Variants in RGS12 observed in about 807,000 individuals in gnomAD.
The protein encoded by RGS12 is regulator of G-protein signaling 12.
A neutral mutation model predicts 120.1 loss-of-function variants in RGS12; 66 were observed. The ratio of observed to expected loss-of-function variants is 0.55; its 90% confidence interval spans 0.45 to 0.67. The LOEUF (loss-of-function observed/expected upper bound fraction) is 0.67, where lower values mean the gene tolerates loss of function less well. RGS12 is among the 30% of genes least tolerant of loss of function. RGS12 has a pLI of 0.00. For missense variants in RGS12, 1,859 were observed against 1,957.7 expected, an observed-to-expected ratio of 0.95 and a Z score of 0.95; for synonymous variants, 827 against 804.7, an observed-to-expected ratio of 1.03 and a Z score of -0.47.
chr4:3,414,257 C>T lies in RGS12; in HGVS notation c.2190+16C>T. ...CTACTTCTCTGTGAGTAGGGAAGGG[C>T]CCAGGAGCAGCGGAGCGGTCTGTGC... On this transcript the variant is annotated intron_variant, in intron 5 of 17. Coordinates refer to ENST00000336727, the MANE Select transcript of RGS12 (RefSeq NM_001394154.1). 6.5e-7 allele frequency: 1 copy of T among 1,527,456 alleles called. No homozygotes were observed. Among genetic ancestry groups the T allele is most frequent in the South Asian group, 1.2e-5 (1 of 83,102 alleles). The allele number at this position is 1,527,456 out of a possible 1,614,324, so 94.6% of individuals were successfully genotyped here. A position where few individuals can be genotyped will look rare whatever the true frequency, so the allele number is the denominator to read the frequency against.
At chr4:3,333,738 CG>C (rs1560093298) in intron 2 of RGS12, among the ~76,000 whole-genome samples, 1 of 152,136 alleles carries the variant, frequency 6.6e-6, no homozygotes, top group African/African-American at 2.4e-5. Flanking sequence ...CTTTATAATA[CG>C]TCTTTCTGTC....
chr4:3,437,204 C>T (rs1724895847), intron 17 of RGS12, among the ~76,000 whole-genome samples: 1 of 152,096 alleles, frequency 6.6e-6, no homozygotes, highest in Non-Finnish European at 1.5e-5. Context: ...GGCTGGCTCC[C>T]GTAGGCAGGA....
intron 8 of RGS12, 58 bp downstream of exon 8, chr4:3,417,150 C>A: frequency 6.7e-7 from 1 of 1,502,730 alleles, no homozygotes; most frequent in Non-Finnish European, 8.9e-7. Flanking sequence ...CAGCTGAGAG[C>A]TGTTCTGTGG....
chr4:3,387,383 C>T (rs55901561), intron 4 of RGS12, among the ~76,000 whole-genome samples: 10,627 of 152,242 alleles, frequency 0.07, 1,203 homozygotes, highest in African/African-American at 0.24. Flanking sequence ...CCCAGGTAGG[C>T]AGACAGAGCT....
Position 3,378,744 on chromosome 4 carries a change from G to A in RGS12, c.1999-7672G>A, listed in dbSNP as rs145339364. Among the ~76,000 whole-genome samples the A allele has an allele frequency of 6.6e-5, 10 of 152,298 alleles. No homozygotes were observed. In the East Asian group the frequency reaches 1.9e-3, roughly 29 times the overall value. ...TCTGTAGAATGGTTGTTATCAGAAAGGCAAAAGATAACAAGTGTGGGTGAG... is the reference window on the plus strand; with the variant it reads ...TCTGTAGAATGGTTGTTATCAGAAAAGCAAAAGATAACAAGTGTGGGTGAG... On this transcript the variant is annotated intron_variant, in intron 3 of 17. Transcript: ENST00000336727.
At chr4:3,333,210 C>T (rs1156232693) in intron 2 of RGS12, among the ~76,000 whole-genome samples, 6 of 152,186 alleles carry the variant, frequency 3.9e-5, no homozygotes, top group African/African-American at 7.2e-5. Context: ...CCACCTTGCC[C>T]GGCTAATTTT....
intron 4 of RGS12, among the ~76,000 whole-genome samples, chr4:3,391,452 C>T (rs996861473): frequency 4.2e-4 from 64 of 152,326 alleles, no homozygotes; most frequent in Non-Finnish European, 3.7e-4. Flanking sequence ...CCAGAGTTAA[C>T]GTGTGCTAGC....
chr4:3,431,501 G>A (rs898601545), intron 17 of RGS12: 10 of 987,390 alleles, frequency 1.0e-5, no homozygotes, highest in African/African-American at 1.7e-5. Context: ...CTCGGGAGTG[G>A]AGGTGACGTC....
In RGS12 at chr4:3,374,705, C is replaced by CT. The variant is rs1261327064; in HGVS notation, c.1999-11708dup. Among the ~76,000 whole-genome samples the CT allele has an allele frequency of 1.3e-5, 2 of 152,024 alleles. No homozygotes were observed. The highest frequency in any genetic ancestry group is 2.4e-5 in the African/African-American group (1 of 41,388). ...GGCCTTCAAAATCCCTGAGTTTACA[C>CT]TTTCTCACCCCCATTGCTGCAGCCT... On this transcript the variant is annotated intron_variant, in intron 3 of 17. Coordinates refer to ENST00000336727, the MANE Select transcript of RGS12 (RefSeq NM_001394154.1). The surrounding 1 kb of genome is among the most constrained non-coding windows in gnomAD (Gnocchi z 6.3).
chr4:3,387,251 G>T (rs895507504), intron 4 of RGS12, among the ~76,000 whole-genome samples: 1 of 152,212 alleles, frequency 6.6e-6, no homozygotes, highest in African/African-American at 2.4e-5. Context: ...GCTGCCCAGG[G>T]GCCGGTGGGT....
At chr4:3,304,164 C>A (rs1339724009) in intron 1 of RGS12, among the ~76,000 whole-genome samples, 1 of 152,184 alleles carries the variant, frequency 6.6e-6, no homozygotes, top group Non-Finnish European at 1.5e-5. Context: ...GTTAAAACCT[C>A]AAGAAGTGAC....
At chr4:3,386,782 A>G (rs1218692800) in intron 4 of RGS12, among the ~76,000 whole-genome samples, 1 of 152,270 alleles carries the variant, frequency 6.6e-6, no homozygotes, top group African/African-American at 2.4e-5. Context: ...CTTTTAAACC[A>G]GCAAGTTAAG....
chr4:3,304,533 G>A (rs1346422686), intron 1 of RGS12, among the ~76,000 whole-genome samples: 4 of 152,230 alleles, frequency 2.6e-5, no homozygotes, highest in Non-Finnish European at 5.9e-5. Flanking sequence ...GCCTGGCTTT[G>A]AATCCTAACT....
chr4:3,423,038 C>A, intron 12 of RGS12, 60 bp downstream of exon 12: 2 of 1,381,144 alleles, frequency 1.4e-6, no homozygotes, highest in Non-Finnish European at 1.0e-6. Flanking sequence ...GTGTGCCCAC[C>A]ACCTGCTGGT....
chr4:3,431,882 G>C, intron 17 of RGS12: 1 of 985,578 alleles, frequency 1.0e-6, no homozygotes, highest in Non-Finnish European at 1.2e-6. Flanking sequence ...GGTCTTGTCA[G>C]ACCTGTAGCC....
rs1578659613 is a variant in RGS12, at chr4:3,294,027, A to ACAGAGCCAT, written c.-102+928_-102+929insCAGAGCCAT. ...CCAGAGCCGTGGAGTGTGGACAGAG[A>ACAGAGCCAT]GGACCACCTGGCCTCTCACCTGCTT... On this transcript the variant is annotated intron_variant, in intron 1 of 17. Transcript: ENST00000336727. Among the ~76,000 whole-genome samples, 9 of 22,050 alleles carry ACAGAGCCAT rather than the reference A, an allele frequency of 4.1e-4. No individual in the cohort carries two copies. In the African/African-American group the frequency reaches 4.4e-3, roughly 11 times the overall value. The allele number at this position is 22,050 out of a possible 152,430, so 14.5% of individuals were successfully genotyped here.
chr4:3,415,154 C>T (rs1241217874), intron 6 of RGS12, among the ~76,000 whole-genome samples: 3 of 103,328 alleles, frequency 2.9e-5, no homozygotes, highest in East Asian at 6.0e-4. Context: ...GAGAGGGCCG[C>T]GTGTGTGTGA....
At chr4:3,296,439 C>G (rs1487880468) in intron 1 of RGS12, among the ~76,000 whole-genome samples, 1 of 152,156 alleles carries the variant, frequency 6.6e-6, no homozygotes, top group Admixed American at 6.5e-5. Context: ...ATCCTCCTGC[C>G]TTAGCTTCTC....
intron 13 of RGS12, among the ~76,000 whole-genome samples, chr4:3,424,125 G>A (rs1408431226): frequency 2.0e-5 from 3 of 152,268 alleles, no homozygotes; most frequent in Non-Finnish European, 4.4e-5. Flanking sequence ...TGATGTGAAT[G>A]GGGTTAAGAA....
Sources: gnomAD v4.1 joint callset for allele counts (sites outside exome capture counted in the v4.1 genomes callset) on GRCh38, gnomAD v4.1.1 for gene constraint, Gnocchi (gnomAD v3.1) non-coding constraint, MANE v1.5 for transcripts, NCBI Gene and HGNC (gene_info 2026-07-23, HGNC 2026-07-21) for gene names.